Variants in CFAP43 observed in about 807,000 individuals in gnomAD.
The protein encoded by CFAP43 is cilia and flagella associated protein 43, also known as cilia- and flagella-associated protein 43.
Under a neutral mutation model 218.9 loss-of-function variants are expected in CFAP43, and 155 were observed. The observed-to-expected ratio is 0.71, with a 90% CI of 0.62 to 0.81. The LOEUF (loss-of-function observed/expected upper bound fraction) is 0.81, where lower values mean the gene tolerates loss of function less well. CFAP43 is among the 30% of genes least tolerant of loss of function. CFAP43 has a pLI of 0.00. For missense variants in CFAP43, 1,778 were observed against 1,954.3 expected, an observed-to-expected ratio of 0.91 and a Z score of 1.70; for synonymous variants, 645 against 681.3, an observed-to-expected ratio of 0.95 and a Z score of 0.83.
Position 104,132,114 on chromosome 10 carries a change from A to C in CFAP43, c.4677+2T>G. Reference sequence around the variant, plus strand: ...ATAATAACCAACGTCTTTGAGACTTACCTTATCTAAAACAGCAATGGTTTG... The same window carrying C: ...ATAATAACCAACGTCTTTGAGACTTCCCTTATCTAAAACAGCAATGGTTTG... On this transcript the variant is annotated splice_donor_variant, in intron 36 of 37. Coordinates refer to ENST00000357060, the MANE Select transcript of CFAP43 (RefSeq NM_025145.7). LOFTEE classifies it high-confidence loss of function. 1 of 1,594,796 alleles carries C rather than the reference A, an allele frequency of 6.3e-7. No individual in the cohort carries two copies. Among genetic ancestry groups the C allele is most frequent in the Non-Finnish European group, 8.5e-7 (1 of 1,171,006 alleles).
chr10:104,130,128 T>C lies in CFAP43; in HGVS notation c.*11A>G. 1 of 1,568,664 alleles carries C rather than the reference T, an allele frequency of 6.4e-7. No individual in the cohort carries two copies. The highest frequency in any genetic ancestry group is 1.7e-4 in the Middle Eastern group (1 of 5,830). ...TGATTGATTTGGCCTTGTGTTTTCC[T>C]GCCAGCGTTTTTACATTTGAACAAG... On this transcript the variant is annotated 3_prime_UTR_variant, in exon 38 of 38. Coordinates refer to ENST00000357060, the MANE Select transcript of CFAP43 (RefSeq NM_025145.7).
chr10:104,132,772 C>T lies in CFAP43; in HGVS notation c.4597-576G>A, dbSNP rs541618967. 24 of 960,848 alleles carry T rather than the reference C, an allele frequency of 2.5e-5. No individual in the cohort carries two copies. The South Asian group carries it at 1.0e-3, about 41-fold the overall frequency. 59.5% of individuals were successfully genotyped at this position (960,848 alleles called of 1,614,324 possible). On this transcript the variant is annotated intron_variant, in intron 35 of 37. Transcript: ENST00000357060. ...TTCATTAATTCATTTATTCAACTCA[C>T]CAAACATTTAAGTGTTGTTCCACTT... is the stretch of plus-strand genomic sequence containing the variant.
chr10:104,229,338 T>G (rs951380513), intron 2 of CFAP43, among the ~76,000 whole-genome samples: 1 of 151,778 alleles, frequency 6.6e-6, no homozygotes, highest in Non-Finnish European at 1.5e-5. Context: ...AGCAGCTCAG[T>G]GTGGGTCAGC....
intron 27 of CFAP43, among the ~76,000 whole-genome samples, chr10:104,157,736 ATGTGTGTG>A (rs71485761): frequency 5.6e-5 from 6 of 107,156 alleles, no homozygotes; most frequent in African/African-American, 1.8e-4. Context: ...AGCTAACTGG[ATGTGTGTG>A]TGTGTGTGTG....
At chr10:104,146,198 C>T in intron 30 of CFAP43, 65 bp downstream of exon 30, 1 of 1,344,792 alleles carries the variant, frequency 7.4e-7, no homozygotes, top group Non-Finnish European at 1.1e-6. Flanking sequence ...CCCCTTTAAC[C>T]TTCCTCCAAT....
chr10:104,196,917 C>T lies in CFAP43; in HGVS notation c.1229G>A (p.Gly410Glu). ...CTCCAGCCACCAAACACAAATTTCC[C>T]CTGAATATGTAAGTGTCTGTAAAAA... ...TQYFMTLTYS[G>E]EICVWWLEDC... Residue 410 changes from glycine to glutamate, a missense_variant, in exon 10 of 38, where the codon GGG becomes GAG. Coordinates refer to ENST00000357060, the MANE Select transcript of CFAP43 (RefSeq NM_025145.7). The T allele has an allele frequency of 6.2e-7, 1 of 1,612,782 alleles. No homozygotes were observed. The highest frequency in any genetic ancestry group is 8.5e-7 in the Non-Finnish European group (1 of 1,179,500).
At chr10:104,195,312 T>C (rs2090352823) in intron 10 of CFAP43, among the ~76,000 whole-genome samples, 1 of 152,146 alleles carries the variant, frequency 6.6e-6, no homozygotes. Flanking sequence ...TATATCCTGA[T>C]TATATGGGCC....
At chr10:104,175,471 C>G (rs1184306799) in intron 19 of CFAP43, among the ~76,000 whole-genome samples, 1 of 152,124 alleles carries the variant, frequency 6.6e-6, no homozygotes, top group Non-Finnish European at 1.5e-5. Context: ...ACAGATGCTC[C>G]TCAACTTATG....
At chr10:104,212,191 G>A (rs367764847) in intron 4 of CFAP43, 34 bp from the exon 5 acceptor site, 1 of 1,588,618 alleles carries the variant, frequency 6.3e-7, no homozygotes, top group Non-Finnish European at 8.6e-7. Context: ...ACAATGAGAT[G>A]AACAGAAACT....
At chr10:104,163,974 C>T (rs1482358883) in intron 24 of CFAP43, 120 bp downstream of exon 24, 9 of 900,278 alleles carry the variant, frequency 1.0e-5, no homozygotes, top group Non-Finnish European at 1.5e-5. Context: ...CTTTCTGTTA[C>T]CTGCAACTGA....
At chr10:104,130,752 C>T (rs2087141863) in intron 37 of CFAP43, among the ~76,000 whole-genome samples, 1 of 152,094 alleles carries the variant, frequency 6.6e-6, no homozygotes, top group Non-Finnish European at 1.5e-5. Flanking sequence ...AATCCCAGCA[C>T]TTTGGTTAGC....
chr10:104,152,481 A>G (rs948900867), intron 28 of CFAP43, 126 bp downstream of exon 28: 2 of 1,317,480 alleles, frequency 1.5e-6, no homozygotes, highest in African/African-American at 3.0e-5. Flanking sequence ...ATGAGACTGG[A>G]GAGGGACGCA....
chr10:104,185,248 C>T (rs2089994698), intron 15 of CFAP43, 102 bp from the exon 16 acceptor site: 1 of 1,456,952 alleles, frequency 6.9e-7, no homozygotes, highest in Non-Finnish European at 9.4e-7. Flanking sequence ...AAATCATTTT[C>T]TATTTGCTAA....
chr10:104,199,466 G>C (rs944377014), intron 8 of CFAP43, among the ~76,000 whole-genome samples: 1 of 152,190 alleles, frequency 6.6e-6, no homozygotes, highest in African/African-American at 2.4e-5. Flanking sequence ...GCCAGTCACT[G>C]CTTTAGATGC....
chr10:104,215,937 T>C (rs1400595542), intron 3 of CFAP43, among the ~76,000 whole-genome samples: 1 of 152,122 alleles, frequency 6.6e-6, no homozygotes, highest in Non-Finnish European at 1.5e-5. Context: ...GGTCCCACAG[T>C]CTTGCCTTCT....
At chr10:104,219,726 C>T (rs1339293440) in intron 3 of CFAP43, among the ~76,000 whole-genome samples, 1 of 152,210 alleles carries the variant, frequency 6.6e-6, no homozygotes, top group Non-Finnish European at 1.5e-5. Context: ...TAGGGCTGCT[C>T]ATAAGCTCAC....
chr10:104,148,015 G>A lies in CFAP43; in HGVS notation c.3661-17C>T. On this transcript the variant is annotated splice_polypyrimidine_tract_variant and intron_variant, in intron 28 of 37. Coordinates refer to ENST00000357060, the MANE Select transcript of CFAP43 (RefSeq NM_025145.7). ...CAGTTCCTCCTGTAGAAATATTTAA[G>A]AAAAAGGTTGGTGGAATTACTTCCA... The A allele has an allele frequency of 6.6e-7, 1 of 1,516,586 alleles. No individual in the cohort carries two copies. Among genetic ancestry groups the A allele is most frequent in the Admixed American group, 2.0e-5 (1 of 49,124 alleles). 93.9% of individuals were successfully genotyped at this position (1,516,586 alleles called of 1,614,324 possible).
At chr10:104,215,954 C>A (rs2091000901) in intron 3 of CFAP43, among the ~76,000 whole-genome samples, 1 of 152,082 alleles carries the variant, frequency 6.6e-6, no homozygotes, top group African/African-American at 2.4e-5. Flanking sequence ...TTCTTAGGGA[C>A]ATTGGTTTAC....
chr10:104,177,486 C>T (rs2134863748), intron 19 of CFAP43, among the ~76,000 whole-genome samples: 1 of 152,234 alleles, frequency 6.6e-6, no homozygotes, highest in Admixed American at 6.5e-5. Context: ...AATCTGAGCC[C>T]CAAGAGGCTG....
Sources: allele counts gnomAD v4.1 joint callset (sites outside exome capture counted in the v4.1 genomes callset), GRCh38; gene constraint gnomAD v4.1.1; transcripts MANE v1.5; gene names NCBI Gene and HGNC (gene_info 2026-07-23, HGNC 2026-07-21).